SPATA13: variants seen among roughly 807,000 people sequenced by gnomAD.
SPATA13 encodes the protein spermatogenesis-associated protein 13.
SPATA13 carries 50 observed loss-of-function variants against 104.0 expected under a neutral mutation model. That is an observed-to-expected ratio of 0.48 (90% CI 0.38 to 0.61). The LOEUF (loss-of-function observed/expected upper bound fraction) is 0.61, where lower values mean the gene tolerates loss of function less well. SPATA13 is among the 20% of genes least tolerant of loss of function. The probability of loss-of-function intolerance (pLI) is 0.00; values close to 1 mark genes in which losing one functional copy is unlikely to be tolerated. For synonymous variants in SPATA13, 606 were observed against 667.5 expected (o/e 0.91, Z 1.42); for missense variants, 1,524 against 1,690.6 (o/e 0.90, Z 1.73).
chr13:24,137,972 T>C (rs1013654830), intron 3 of SPATA13, among the ~76,000 whole-genome samples: 3 of 152,140 alleles, frequency 2.0e-5, no homozygotes, highest in African/African-American at 7.2e-5. Flanking sequence ...ACTCTGCATC[T>C]TTTGAATCTG....
chr13:23,983,920 T>A (rs1875028993), exon 2 of SPATA13: 2 of 985,362 alleles, frequency 2.0e-6, no homozygotes, highest in Admixed American at 1.2e-4. Context: ...CTCACAAACA[T>A]CCTGGCCGTG....
intron 3 of SPATA13, among the ~76,000 whole-genome samples, chr13:24,062,258 A>G (rs1355751507): frequency 6.6e-6 from 1 of 152,224 alleles, no homozygotes; most frequent in Non-Finnish European, 1.5e-5. Context: ...TTAACTTCTC[A>G]TGGTTCAAAG....
At chr13:24,102,675 C>T (rs36119769) in intron 3 of SPATA13, among the ~76,000 whole-genome samples, 66,479 of 151,770 alleles carry the variant, frequency 0.44, 16,303 homozygotes, top group South Asian at 0.54. Flanking sequence ...GGTTTCACCA[C>T]GTGGGCCAGG....
intron 3 of SPATA13, among the ~76,000 whole-genome samples, chr13:24,084,374 C>T (rs1211818672): frequency 6.6e-6 from 1 of 152,178 alleles, no homozygotes; most frequent in African/African-American, 2.4e-5. Flanking sequence ...TTATGATGCT[C>T]CCTTAAGATG....
chr13:23,985,934 T>C (rs556134467), intron 2 of SPATA13, among the ~76,000 whole-genome samples: 1 of 152,252 alleles, frequency 6.6e-6, no homozygotes, highest in South Asian at 2.1e-4. Flanking sequence ...GCCTGGGTAC[T>C]AAGTATCCCC....
Position 24,133,314 on chromosome 13 carries a change from T to C in SPATA13, c.-111-89505T>C, listed in dbSNP as rs182910465. Among the ~76,000 whole-genome samples, 17 of 152,298 alleles carry C rather than the reference T, an allele frequency of 1.1e-4. 2 individuals are homozygous for C. In the South Asian group the frequency reaches 2.9e-3, roughly 26 times the overall value. ...TGAGATTAAGTTCATCTGGTAGAGA[T>C]TGTGTAAGCCCAGTTGGAAATAGTG... On this transcript the variant is annotated intron_variant, in intron 3 of 14. Transcript: ENST00000424834.
intron 1 of SPATA13, among the ~76,000 whole-genome samples, chr13:24,166,790 A>G (rs912431433): frequency 1.3e-5 from 2 of 152,188 alleles, no homozygotes; most frequent in African/African-American, 2.4e-5. Context: ...TGTCTGCCTC[A>G]TAGTATTTGC....
At chr13:24,189,643 ATATATAT>A (rs1283663460) in intron 1 of SPATA13, among the ~76,000 whole-genome samples, 256 of 20,368 alleles carry the variant, frequency 0.013, 79 homozygotes, top group Admixed American at 0.02. Flanking sequence ...ATATATTTAT[ATATATAT>A]TATATATTAT....
chr13:24,097,818 T>C (rs754345218), intron 3 of SPATA13, among the ~76,000 whole-genome samples: 2 of 152,110 alleles, frequency 1.3e-5, no homozygotes, highest in Non-Finnish European at 2.9e-5. Context: ...GAGATGAAAC[T>C]GTACAATCCA....
chr13:24,286,135 A>G lies in SPATA13; in HGVS notation c.2302-79A>G. ...GTGAGAGGATACCAGTGTCACCCTG[A>G]GAGAGTGCACCTAGTGGCTCCCTCA... On this transcript the variant is annotated intron_variant, in intron 5 of 12. Transcript: ENST00000382108. The surrounding 1 kb of genome is among the most constrained non-coding windows in gnomAD (Gnocchi z 4.9). The G allele has an allele frequency of 2.2e-6, 3 of 1,382,862 alleles. No homozygotes were observed. The highest frequency in any genetic ancestry group is 3.0e-6 in the Non-Finnish European group (3 of 1,007,042). The allele number at this position is 1,382,862 out of a possible 1,614,324, so 85.7% of individuals were successfully genotyped here.
At chr13:24,110,502 T>G (rs546451116) in intron 3 of SPATA13, among the ~76,000 whole-genome samples, 72 of 152,184 alleles carry the variant, frequency 4.7e-4, no homozygotes, top group Non-Finnish European at 9.3e-4. Flanking sequence ...ATGAATTGCT[T>G]CACTTGAATC....
At chr13:24,263,058 A>C (rs935199791) in intron 4 of SPATA13, among the ~76,000 whole-genome samples, 2 of 152,196 alleles carry the variant, frequency 1.3e-5, no homozygotes, top group African/African-American at 4.8e-5. Flanking sequence ...CAGAGACTCC[A>C]CTGAATTTTT....
In SPATA13 at chr13:24,223,604, G is replaced by A. The variant is rs1247415812; in HGVS notation, c.675G>A (p.Thr225=). 2.6e-6 allele frequency: 4 copies of A among 1,551,114 alleles called. No homozygotes were observed. The African/African-American group carries it at 4.1e-5, about 16-fold the overall frequency. Residue 225 remains threonine (T), a synonymous_variant, in exon 2 of 13, where the codon ACG becomes ACA. Coordinates refer to ENST00000382108, the MANE Select transcript of SPATA13 (RefSeq NM_001166271.3). The part of the protein sequence containing the change: ...LDAPQNHATP[T]IATGQVPAVC... The stretch of plus-strand genomic sequence containing the variant: ...CGCCCCAGAACCATGCGACACCCAC[G>A]ATAGCCACTGGCCAGGTGCCCGCCG...
At chr13:24,294,682 C>T (rs1349486623) in intron 9 of SPATA13, 57 bp from the exon 10 acceptor site, 50 of 1,525,442 alleles carry the variant, frequency 3.3e-5, no homozygotes, top group African/African-American at 4.1e-5. Context: ...ATTATTTTGC[C>T]AGTCCTCATT....
At chr13:24,271,041 A>ACTCTCTCTCTCTCTCT in intron 4 of SPATA13, 2 of 481,348 alleles carry the variant, frequency 4.2e-6, no homozygotes, top group Non-Finnish European at 7.7e-6. Flanking sequence ...TCTCTCTCTC[A>ACTCTCTCTCTCTCTCT]CTCTCTCTCT....
At chr13:24,069,899 C>G (rs1467023954) in intron 3 of SPATA13, among the ~76,000 whole-genome samples, 1 of 152,156 alleles carries the variant, frequency 6.6e-6, no homozygotes, top group Non-Finnish European at 1.5e-5. Context: ...AAAAGGTGAC[C>G]AACACTGCAA....
rs1875910416 is a variant in SPATA13, at chr13:24,286,037, T to A, written c.2302-177T>A. Among the ~76,000 whole-genome samples the A allele has an allele frequency of 6.6e-6, 1 of 152,162 alleles. No homozygotes were observed. The highest frequency in any genetic ancestry group is 1.5e-5 in the Non-Finnish European group (1 of 68,028). On this transcript the variant is annotated intron_variant, in intron 5 of 12. Coordinates refer to ENST00000382108, the MANE Select transcript of SPATA13 (RefSeq NM_001166271.3). The surrounding 1 kb of genome is among the most constrained non-coding windows in gnomAD (Gnocchi z 4.9). The stretch of plus-strand genomic sequence containing the variant: ...TCCTCCTGACTTTGTTTTTTCTTAG[T>A]CTGTTCTCCTGGGTTCTCTTTGTGT...
intron 4 of SPATA13, among the ~76,000 whole-genome samples, chr13:24,268,097 T>TA (rs952434738): frequency 6.6e-6 from 1 of 152,162 alleles, no homozygotes; most frequent in Non-Finnish European, 1.5e-5. Context: ...TGTGTTGTCA[T>TA]AAAAAAAGAG....
At chr13:24,022,233 A>G (rs185094361) in intron 3 of SPATA13, among the ~76,000 whole-genome samples, 178 of 147,924 alleles carry the variant, frequency 1.2e-3, no homozygotes, top group African/African-American at 4.1e-3. Flanking sequence ...ATGGGGTTTC[A>G]CCATGTTGGC....
Sources: gnomAD v4.1 joint callset for allele counts (sites outside exome capture counted in the v4.1 genomes callset) on GRCh38, gnomAD v4.1.1 for gene constraint, Gnocchi (gnomAD v3.1) non-coding constraint, MANE v1.5 for transcripts, NCBI Gene and HGNC (gene_info 2026-07-23, HGNC 2026-07-21) for gene names.